SLCO3A1: variants seen among roughly 807,000 people sequenced by gnomAD.
The protein encoded by SLCO3A1 is PGE1 transporter.
In SLCO3A1, 27 loss-of-function variants were observed where a neutral mutation model predicts 63.1. The ratio of observed to expected loss-of-function variants is 0.43; its 90% CI spans 0.32 to 0.59. SLCO3A1 has a LOEUF of 0.59. Among genes scored for constraint, SLCO3A1 ranks in the 20% least tolerant of loss-of-function variants. SLCO3A1 has a pLI of 0.09. For synonymous variants in SLCO3A1, 473 were observed against 409.9 expected, an observed-to-expected ratio of 1.15 and a Z score of -1.86; for missense variants, 773 against 945.8, an observed-to-expected ratio of 0.82 and a Z score of 2.40.
At chr15:92,012,742 TAA>T (rs33945478) in intron 2 of SLCO3A1, among the ~76,000 whole-genome samples, 7,018 of 126,596 alleles carry the variant, frequency 0.055, 563 homozygotes, top group African/African-American at 0.18. Flanking sequence ...GTCTCTAATT[TAA>T]AAAAAAAAAA....
At chr15:92,096,902 G>A (rs754676898) in intron 3 of SLCO3A1, among the ~76,000 whole-genome samples, 6 of 152,174 alleles carry the variant, frequency 3.9e-5, no homozygotes, top group African/African-American at 4.8e-5. Context: ...CTTTGAACCC[G>A]TTTCCTAGGG....
chr15:91,906,991 A>G (rs956814140), intron 1 of SLCO3A1, among the ~76,000 whole-genome samples: 1 of 152,150 alleles, frequency 6.6e-6, no homozygotes, highest in South Asian at 2.1e-4. Context: ...ATCAATGAAC[A>G]TAAAAATTCA....
At chr15:92,039,607 C>T (rs1300045616) in intron 2 of SLCO3A1, among the ~76,000 whole-genome samples, 1 of 152,168 alleles carries the variant, frequency 6.6e-6, no homozygotes, top group Middle Eastern at 3.2e-3. Context: ...AACACTTTTA[C>T]ACTGTTGGTG....
chr15:91,945,620 G>C (rs1474337714), intron 2 of SLCO3A1, among the ~76,000 whole-genome samples: 1 of 152,208 alleles, frequency 6.6e-6, no homozygotes, highest in Admixed American at 6.5e-5. Flanking sequence ...GGCAGAGGGA[G>C]ATGGAGAGTT....
At chr15:91,873,656 T>G (rs1897331062) in intron 1 of SLCO3A1, among the ~76,000 whole-genome samples, 1 of 152,040 alleles carries the variant, frequency 6.6e-6, no homozygotes, top group Admixed American at 6.6e-5. Flanking sequence ...GTATACCTCT[T>G]CATAAACTAT....
intron 2 of SLCO3A1, among the ~76,000 whole-genome samples, chr15:92,047,571 AAT>A (rs1189839074): frequency 0.093 from 812 of 8,688 alleles, 211 homozygotes; most frequent in African/African-American, 0.25. Context: ...TATATATATA[AAT>A]ATATATATAA....
intron 1 of SLCO3A1, among the ~76,000 whole-genome samples, chr15:91,874,762 G>C (rs1331232194): frequency 1.3e-5 from 2 of 152,158 alleles, no homozygotes; most frequent in African/African-American, 4.8e-5. Context: ...TTAACTTTTT[G>C]AAGGGGTTGG....
At chr15:91,926,583 G>GTA (rs1899024007) in intron 2 of SLCO3A1, among the ~76,000 whole-genome samples, 5 of 103,514 alleles carry the variant, frequency 4.8e-5, no homozygotes, top group African/African-American at 2.1e-4. Flanking sequence ...GTGTGTGTGT[G>GTA]TGTGTGTGTG....
intron 2 of SLCO3A1, among the ~76,000 whole-genome samples, chr15:92,082,725 T>C (rs1266192833): frequency 6.6e-6 from 1 of 152,192 alleles, no homozygotes; most frequent in African/African-American, 2.4e-5. Context: ...AGACTCAGAG[T>C]TGGGAAGTGA....
At chr15:92,104,670 C>CAAGCCAAT in intron 4 of SLCO3A1, 128 bp downstream of exon 4, 2 of 931,086 alleles carry the variant, frequency 2.1e-6, no homozygotes, top group Non-Finnish European at 3.1e-6. Context: ...TATTGGCTTG[C>CAAGCCAAT]ATGGCTGGCC....
intron 2 of SLCO3A1, among the ~76,000 whole-genome samples, chr15:92,048,759 CT>C (rs1164122628): frequency 6.6e-6 from 1 of 152,124 alleles, no homozygotes; most frequent in Non-Finnish European, 1.5e-5. Flanking sequence ...ATTAGCCAGG[CT>C]AGTGGCGGGC....
At chr15:92,075,028 C>T (rs1396130389) in intron 2 of SLCO3A1, among the ~76,000 whole-genome samples, 1 of 152,088 alleles carries the variant, frequency 6.6e-6, no homozygotes, top group Non-Finnish European at 1.5e-5. Context: ...GCAGGAATGC[C>T]CTTCCCTTCA....
At position 92,164,234 on chromosome 15, in the gene SLCO3A1, A is replaced by G. The variant is rs549486530; in HGVS notation, c.*1099A>G. On this transcript the variant is annotated 3_prime_UTR_variant, in exon 10 of 10. Coordinates refer to ENST00000318445, the MANE Select transcript of SLCO3A1 (RefSeq NM_013272.4). Reference sequence around the variant, plus strand: ...AAAAATATGTGATACAAGGGATGCAATTAACCTATTGTAATTTTCATCATT... The same window carrying G: ...AAAAATATGTGATACAAGGGATGCAGTTAACCTATTGTAATTTTCATCATT... The G allele has an allele frequency of 1.3e-5, 13 of 984,774 alleles. No homozygotes were observed. In the Admixed American group the frequency reaches 4.9e-4, roughly 37 times the overall value. 61.0% of individuals were successfully genotyped at this position (984,774 alleles called of 1,614,324 possible). A position where few individuals can be genotyped will look rare whatever the true frequency, so the allele number is the denominator to read the frequency against.
At chr15:92,133,815 T>C in intron 7 of SLCO3A1, among the ~76,000 whole-genome samples, 1 of 111,366 alleles carries the variant, frequency 9.0e-6, no homozygotes, top group South Asian at 2.5e-4. Flanking sequence ...ATAAAGCGCA[T>C]GATAAATGTG....
At chr15:91,879,738 C>A (rs1177541815) in intron 1 of SLCO3A1, among the ~76,000 whole-genome samples, 1 of 152,106 alleles carries the variant, frequency 6.6e-6, no homozygotes, top group Admixed American at 6.5e-5. Flanking sequence ...AGCTAATGGT[C>A]CAGTTTTCTT....
chr15:92,149,435 C>T (rs1321655274), intron 8 of SLCO3A1: 1 of 152,314 alleles, frequency 6.6e-6, no homozygotes, highest in African/African-American at 2.4e-5. Context: ...GCCCTTGCCC[C>T]TCCCAGAAGA....
At chr15:92,021,638 A>C (rs1281533630) in intron 2 of SLCO3A1, among the ~76,000 whole-genome samples, 3 of 152,056 alleles carry the variant, frequency 2.0e-5, no homozygotes, top group African/African-American at 7.2e-5. Context: ...GTCTTCATTT[A>C]TCATTCATGA....
At chr15:92,024,437 G>T (rs2046546411) in intron 2 of SLCO3A1, among the ~76,000 whole-genome samples, 2 of 152,212 alleles carry the variant, frequency 1.3e-5, no homozygotes, top group Admixed American at 1.3e-4. Flanking sequence ...TGCTTTTATA[G>T]TGAGTTAGAC....
intron 2 of SLCO3A1, among the ~76,000 whole-genome samples, chr15:91,920,608 T>G (rs184013783): frequency 5.4e-4 from 83 of 152,346 alleles, no homozygotes; most frequent in South Asian, 1.2e-3. Context: ...GCAACTGATC[T>G]GTTGCATCTT....
Sources: gnomAD v4.1 joint callset for allele counts (sites outside exome capture counted in the v4.1 genomes callset) on GRCh38, gnomAD v4.1.1 for gene constraint, MANE v1.5 for transcripts, NCBI Gene and HGNC (gene_info 2026-07-23, HGNC 2026-07-21) for gene names.